TTC6: variants seen among roughly 807,000 people sequenced by gnomAD.
TTC6 encodes the protein tetratricopeptide repeat protein 6.
Under a neutral mutation model 210.4 loss-of-function variants are expected in TTC6, and 172 were observed. The observed-to-expected ratio is 0.82, with a 90% CI of 0.72 to 0.93. TTC6 has a LOEUF of 0.93. Among genes scored for constraint, TTC6 ranks in the 40% least tolerant of loss-of-function variants. TTC6 has a pLI of 0.00. For synonymous variants in TTC6, 804 were observed against 819.6 expected, an observed-to-expected ratio of 0.98 and a Z score of 0.32; for missense variants, 2,414 against 2,318.1, an observed-to-expected ratio of 1.04 and a Z score of -0.85.
intron 2 of TTC6, chr14:37,611,362 G>A (rs924921217): frequency 6.6e-6 from 1 of 152,414 alleles, no homozygotes; most frequent in Non-Finnish European, 1.5e-5. Context: ...TCGATGCCGG[G>A]TGAGAGGAGA....
intron 5 of TTC6, 66 bp from the exon 8 acceptor site, chr14:37,714,589 A>G: frequency 7.6e-7 from 1 of 1,312,920 alleles, no homozygotes; most frequent in South Asian, 1.6e-5. Flanking sequence ...TTATGAAATG[A>G]GGGCAAACAC....
intron 1 of TTC6, among the ~76,000 whole-genome samples, chr14:37,663,176 C>T (rs1248499061): frequency 6.6e-6 from 1 of 152,002 alleles, no homozygotes; most frequent in Non-Finnish European, 1.5e-5. Flanking sequence ...AATGGGATTG[C>T]ATTCCTGGCT....
At chr14:37,605,943 T>C (rs2095624375) in intron 1 of TTC6, among the ~76,000 whole-genome samples, 1 of 151,944 alleles carries the variant, frequency 6.6e-6, no homozygotes. Flanking sequence ...TTATCCTGCC[T>C]TAAGAACCCC....
In TTC6 at chr14:37,759,472, T is replaced by C. The variant is rs1469358462; in HGVS notation, c.3266+6237T>C. On this transcript the variant is annotated intron_variant, in intron 14 of 30. Coordinates refer to ENST00000553443, the Ensembl canonical transcript of TTC6. ...TTTCAGCTTTGGAGAATTTGACGAT[T>C]ATGTTTCTTGGGATTGCACTTCTCG... Among the ~76,000 whole-genome samples, 3 of 152,198 alleles carry C rather than the reference T, an allele frequency of 2.0e-5. No individual in the cohort carries two copies. The East Asian group carries it at 5.8e-4, about 30-fold the overall frequency.
intron 30 of TTC6, 26 bp downstream of exon 32, chr14:37,841,696 A>G (rs539447496): frequency 1.3e-6 from 2 of 1,542,062 alleles, no homozygotes; most frequent in Non-Finnish European, 1.8e-6. Context: ...TTATTCTGGT[A>G]AGATTACAGT....
chr14:37,784,567 C>G (rs1032919307), intron 14 of TTC6, among the ~76,000 whole-genome samples: 3 of 152,248 alleles, frequency 2.0e-5, no homozygotes, highest in African/African-American at 7.2e-5. Context: ...ACTCCTGACT[C>G]CTTATCCAAT....
In TTC6 at chr14:37,826,338, T is replaced by C; in HGVS notation, c.5118T>C (p.Ala1706=). Residue 1706 remains alanine (A), a synonymous_variant, in exon 28 of 31, where the codon GCT becomes GCC. Transcript: ENST00000553443. ...TTGCTGCAATGCAGGATATTAATGC[T>C]GCCATGAAGGTAAAAACCATCTTAG... 3 of 1,598,190 alleles carry C rather than the reference T, an allele frequency of 1.9e-6. No homozygotes were observed. In the South Asian group the frequency reaches 3.4e-5, roughly 18 times the overall value.
intron 14 of TTC6, among the ~76,000 whole-genome samples, chr14:37,784,546 G>A (rs1000059489): frequency 2.0e-5 from 3 of 152,110 alleles, no homozygotes; most frequent in Non-Finnish European, 2.9e-5. Context: ...CCTGAACACA[G>A]CACACTGATG....
intron 26 of TTC6, among the ~76,000 whole-genome samples, chr14:37,821,730 C>T (rs2096157662): frequency 6.7e-6 from 1 of 149,714 alleles, no homozygotes; most frequent in Admixed American, 6.7e-5. Flanking sequence ...TTTCTCAAAC[C>T]TTCTGAACAC....
At chr14:37,603,102 C>T (rs1288840679) in intron 1 of TTC6, among the ~76,000 whole-genome samples, 2 of 152,094 alleles carry the variant, frequency 1.3e-5, no homozygotes, top group African/African-American at 4.8e-5. Context: ...CAAGAGATGA[C>T]AGAGAGAGAG....
At chr14:37,667,784 A>G (rs1464764338) in intron 1 of TTC6, among the ~76,000 whole-genome samples, 2 of 150,564 alleles carry the variant, frequency 1.3e-5, no homozygotes, top group Admixed American at 6.6e-5. Context: ...TTCACGACCA[A>G]CTTTCAGTTT....
At chr14:37,782,288 CTTCTT>C (rs1436850576) in intron 14 of TTC6, among the ~76,000 whole-genome samples, 1 of 152,092 alleles carries the variant, frequency 6.6e-6, no homozygotes, top group Non-Finnish European at 1.5e-5. Flanking sequence ...TTGTTTGTAT[CTTCTT>C]TTATTTCATT....
intron 1 of TTC6, among the ~76,000 whole-genome samples, chr14:37,655,604 C>T (rs2095720905): frequency 6.6e-6 from 1 of 152,084 alleles, no homozygotes; most frequent in Non-Finnish European, 1.5e-5. Flanking sequence ...TTTTTATTTT[C>T]CTAACAGCTC....
intron 3 of TTC6, among the ~76,000 whole-genome samples, chr14:37,695,151 C>T (rs1159838575): frequency 1.3e-5 from 2 of 150,982 alleles, no homozygotes; most frequent in Non-Finnish European, 2.9e-5. Flanking sequence ...AGACAAACAT[C>T]ACAGATTCTC....
chr14:37,675,725 T>G (rs373467893), intron 1 of TTC6, among the ~76,000 whole-genome samples: 3 of 151,278 alleles, frequency 2.0e-5, no homozygotes, highest in African/African-American at 7.2e-5. Context: ...TGCATCCTAG[T>G]CAAGTCTTGT....
chr14:37,617,263 G>T (rs1242142793), upstream of TTC6, among the ~76,000 whole-genome samples: 1 of 152,134 alleles, frequency 6.6e-6, no homozygotes, highest in Admixed American at 6.5e-5. Context: ...AAACGCAGGG[G>T]AGTATTTTGT....
intron 7 of TTC6, among the ~76,000 whole-genome samples, chr14:37,735,180 A>G (rs919327944): frequency 2.0e-5 from 3 of 152,190 alleles, no homozygotes; most frequent in African/African-American, 7.2e-5. Flanking sequence ...AGCCTTCTCC[A>G]TCGTCGGTAA....
chr14:37,674,510 T>G (rs2095764706), intron 1 of TTC6, among the ~76,000 whole-genome samples: 1 of 152,136 alleles, frequency 6.6e-6, no homozygotes, highest in Non-Finnish European at 1.5e-5. Context: ...ATCCTCATAA[T>G]AAGCATATGA....
intron 29 of TTC6, among the ~76,000 whole-genome samples, chr14:37,837,819 A>G (rs772793573): frequency 2.0e-5 from 3 of 152,176 alleles, no homozygotes; most frequent in African/African-American, 7.2e-5. Flanking sequence ...CCACTGTGCA[A>G]TCAGTGTTCC....
Sources: allele counts gnomAD v4.1 joint callset (sites outside exome capture counted in the v4.1 genomes callset), GRCh38; gene constraint gnomAD v4.1.1; transcripts MANE v1.5; gene names NCBI Gene and HGNC (gene_info 2026-07-23, HGNC 2026-07-21).